PHEX: variants seen among roughly 807,000 people sequenced by gnomAD.
PHEX encodes the protein phosphate-regulating neutral endopeptidase PHEX.
In PHEX, 16 loss-of-function variants were observed where a neutral mutation model predicts 68.0. The observed-to-expected ratio is 0.24, with a 90% CI of 0.16 to 0.36. The LOEUF (loss-of-function observed/expected upper bound fraction) is 0.36. PHEX is among the 10% of genes least tolerant of loss of function. The probability of loss-of-function intolerance (pLI) is 1.00; values close to 1 mark genes in which losing one functional copy is unlikely to be tolerated. For missense variants in PHEX, 480 were observed against 575.5 expected (o/e 0.83, Z 1.70); for synonymous variants, 208 against 205.1 (o/e 1.01, Z -0.12).
At chrX:22,157,612 A>G (rs1932991061) in intron 12 of PHEX, among the ~76,000 whole-genome samples, 2 of 112,897 alleles carry the variant, frequency 1.8e-5, no homozygotes, top group South Asian at 7.3e-4. Flanking sequence ...ATTAAGATTT[A>G]CTTCTGCCAG....
intron 8 of PHEX, 26 bp downstream of exon 8, chrX:22,097,064 T>G: frequency 1.0e-6 from 1 of 993,732 alleles, no homozygotes; most frequent in South Asian, 1.9e-5. Flanking sequence ...CCAGAAAACT[T>G]TCTCTCAACT....
At position 22,032,696 on chromosome X, in the gene PHEX, C is replaced by T. The variant is rs758949471; in HGVS notation, c.-310C>T. On this transcript the variant is annotated 5_prime_UTR_variant, in exon 1 of 22. Transcript: ENST00000379374. ...AGCAACATAGTAAAACATATATACT[C>T]GGAACGCTTGAGAGAAGAGCCTGCC... 2.3e-5 allele frequency: 7 copies of T among 300,825 alleles called. No individual in the cohort carries two copies. Among genetic ancestry groups the T allele is most frequent in the South Asian group, 1.8e-4 (4 of 22,742 alleles). The allele number at this position is 300,825 out of a possible 1,213,427, so 24.8% of individuals were successfully genotyped here. A position where few individuals can be genotyped will look rare whatever the true frequency, so the allele number is the denominator to read the frequency against.
chrX:22,161,453 G>A (rs1264607213), intron 12 of PHEX, among the ~76,000 whole-genome samples: 4 of 112,540 alleles, frequency 3.6e-5, no homozygotes, highest in Admixed American at 1.9e-4. Context: ...CCAGGGAAAC[G>A]TACCTTGGTG....
At chrX:22,144,642 A>G (rs1932606400) in intron 12 of PHEX, among the ~76,000 whole-genome samples, 1 of 110,843 alleles carries the variant, frequency 9.0e-6, no homozygotes, top group Non-Finnish European at 1.9e-5. Flanking sequence ...AAACCTAACT[A>G]TAATACCATT....
intron 3 of PHEX, among the ~76,000 whole-genome samples, chrX:22,071,819 C>T (rs777833880): frequency 1.8e-5 from 2 of 112,474 alleles, no homozygotes; most frequent in African/African-American, 3.2e-5. Flanking sequence ...AAACTGTCAC[C>T]GGGCGCGGTG....
intron 14 of PHEX, among the ~76,000 whole-genome samples, chrX:22,180,561 G>A (rs1006770514): frequency 8.9e-6 from 1 of 111,921 alleles, no homozygotes; most frequent in African/African-American, 3.2e-5. Context: ...GGCATAAAAT[G>A]TGTAATAATC....
chrX:22,122,680 C>T (rs1931538172), intron 11 of PHEX, among the ~76,000 whole-genome samples: 1 of 111,707 alleles, frequency 9.0e-6, no homozygotes, highest in Non-Finnish European at 1.9e-5. Context: ...CAGTGGTGGG[C>T]CCCCATGCAG....
chrX:22,042,765 C>T (rs1449725266), intron 2 of PHEX, among the ~76,000 whole-genome samples: 2 of 110,744 alleles, frequency 1.8e-5, no homozygotes, highest in Non-Finnish European at 1.9e-5. Flanking sequence ...ACTTCAACCC[C>T]AAGGGGGAGG....
intron 9 of PHEX, among the ~76,000 whole-genome samples, chrX:22,104,783 G>T (rs776923315): frequency 1.8e-5 from 2 of 111,303 alleles, no homozygotes; most frequent in South Asian, 7.7e-4. Context: ...GCCAAGGAAG[G>T]TTGGCATCAG....
intron 15 of PHEX, among the ~76,000 whole-genome samples, chrX:22,193,931 A>G (rs866647640): frequency 5.3e-5 from 6 of 112,225 alleles, no homozygotes; most frequent in South Asian, 3.7e-4. Flanking sequence ...TTTAATTTTC[A>G]CCAGTCTAGC....
chrX:22,041,265 C>CTCTCTCTA (rs1468778300), intron 2 of PHEX, among the ~76,000 whole-genome samples: 90 of 72,786 alleles, frequency 1.2e-3, no homozygotes, highest in African/African-American at 1.6e-3. Flanking sequence ...CTCTCTCTCT[C>CTCTCTCTA]TATATATATA....
intron 20 of PHEX, among the ~76,000 whole-genome samples, chrX:22,229,490 C>G (rs1483242085): frequency 8.9e-6 from 1 of 112,118 alleles, no homozygotes; most frequent in East Asian, 2.8e-4. Context: ...CTCTAATGAC[C>G]AGTGATGATA....
At chrX:22,105,697 C>A (rs1267432704) in intron 9 of PHEX, among the ~76,000 whole-genome samples, 1 of 111,707 alleles carries the variant, frequency 9.0e-6, no homozygotes, top group African/African-American at 3.3e-5. Flanking sequence ...TGACCTCTTA[C>A]CTTTGTTTTC....
Position 22,162,006 on chromosome X carries a change from G to A in PHEX, c.1405-6306G>A, listed in dbSNP as rs754721762. On this transcript the variant is annotated intron_variant, in intron 12 of 21. Transcript: ENST00000379374. ...TGGTATGAACACATAGGACCTGCTA[G>A]GTGTTGAAAGGAACAGATAAGAGAA... is the stretch of plus-strand genomic sequence containing the variant. Among the ~76,000 whole-genome samples, 31 of 111,707 alleles carry A rather than the reference G, an allele frequency of 2.8e-4. No individual in the cohort carries two copies. The South Asian group carries it at 0.011, about 39-fold the overall frequency.
chrX:22,078,960 T>C (rs1217480182), intron 5 of PHEX, among the ~76,000 whole-genome samples: 1 of 112,298 alleles, frequency 8.9e-6, no homozygotes, highest in East Asian at 2.8e-4. Flanking sequence ...CAGGATAAGA[T>C]GTGCTATGTA....
intron 14 of PHEX, among the ~76,000 whole-genome samples, chrX:22,189,920 T>C (rs1233082986): frequency 8.9e-6 from 1 of 112,435 alleles, no homozygotes; most frequent in Non-Finnish European, 1.9e-5. Context: ...ATAGAGGCAG[T>C]ACACTTTCCA....
intron 8 of PHEX, among the ~76,000 whole-genome samples, chrX:22,098,795 C>CAAAAAAAAAAA (rs746223770): frequency 1.3e-3 from 15 of 11,372 alleles, no homozygotes; most frequent in African/African-American, 2.2e-3. Flanking sequence ...GAGAATGTCT[C>CAAAAAAAAAAA]AAAAAAAAAA....
At chrX:22,235,979 A>G (rs1935963318) in intron 20 of PHEX, among the ~76,000 whole-genome samples, 2 of 111,296 alleles carry the variant, frequency 1.8e-5, no homozygotes, top group Admixed American at 1.9e-4. Flanking sequence ...TTTCAGTATG[A>G]TCCAACTCCA....
chrX:22,228,128 T>A (rs1048967768), intron 20 of PHEX, among the ~76,000 whole-genome samples: 1 of 112,098 alleles, frequency 8.9e-6, no homozygotes, highest in Non-Finnish European at 1.9e-5. Context: ...TTTGTGAGTT[T>A]AATAGGCTCT....
Sources: allele counts gnomAD v4.1 joint callset (sites outside exome capture counted in the v4.1 genomes callset), GRCh38; gene constraint gnomAD v4.1.1; transcripts MANE v1.5; gene names NCBI Gene and HGNC (gene_info 2026-07-23, HGNC 2026-07-21).